The following THRB variants were observed in gnomAD, a reference collection of about 807,000 sequenced individuals.
The protein encoded by THRB is thyroid hormone receptor beta, also known as nuclear receptor subfamily 1 group A member 2.
A neutral mutation model predicts 47.8 loss-of-function variants in THRB; 12 were observed. That is an observed-to-expected ratio of 0.25 (90% CI 0.16 to 0.41). The LOEUF (loss-of-function observed/expected upper bound fraction) is 0.41, where lower values mean the gene tolerates loss of function less well. Ranked by LOEUF, THRB falls within the 10% of genes least tolerant of loss-of-function variation. The pLI, the probability that THRB is intolerant of heterozygous loss-of-function variation, is 1.00. For synonymous variants in THRB, 218 were observed against 212.2 expected (o/e 1.03, Z -0.24); for missense variants, 348 against 589.2 (o/e 0.59, Z 4.24).
chr3:24,402,830 C>A (rs746779350), intron 1 of THRB, among the ~76,000 whole-genome samples: 16 of 151,858 alleles, frequency 1.1e-4, no homozygotes, highest in Admixed American at 2.0e-4. Context: ...GTATTTGATA[C>A]GCACTGCCAA....
intron 3 of THRB, among the ~76,000 whole-genome samples, chr3:24,260,877 T>G (rs531039421): frequency 6.6e-6 from 1 of 152,354 alleles, no homozygotes; most frequent in South Asian, 2.1e-4. Flanking sequence ...CGTATTCTAT[T>G]ACCACAGATC....
At chr3:24,176,239 A>T (rs887682224) in intron 5 of THRB, among the ~76,000 whole-genome samples, 15 of 152,070 alleles carry the variant, frequency 9.9e-5, no homozygotes, top group African/African-American at 3.4e-4. Context: ...TTTTAATTTA[A>T]TCATTAGATA....
intron 1 of THRB, among the ~76,000 whole-genome samples, chr3:24,391,688 G>A (rs1050475065): frequency 6.6e-6 from 1 of 152,000 alleles, no homozygotes; most frequent in African/African-American, 2.4e-5. Context: ...TCCTCTTTAA[G>A]CTTATTGGGT....
chr3:24,224,518 A>G (rs989386552), intron 4 of THRB, among the ~76,000 whole-genome samples: 7 of 152,196 alleles, frequency 4.6e-5, no homozygotes, highest in Non-Finnish European at 8.8e-5. Context: ...ACCACCGTGA[A>G]TCTATTTCTG....
chr3:24,295,630 C>T (rs1253420590), intron 3 of THRB, among the ~76,000 whole-genome samples: 2 of 152,194 alleles, frequency 1.3e-5, no homozygotes, highest in Non-Finnish European at 2.9e-5. Context: ...GGCTACTCTG[C>T]ACTTTTGAAT....
chr3:24,276,750 G>A (rs922697955), intron 3 of THRB, among the ~76,000 whole-genome samples: 7 of 152,250 alleles, frequency 4.6e-5, no homozygotes, highest in East Asian at 1.9e-4. Context: ...TGGAGTAAGT[G>A]TGCAGAAAAC....
chr3:24,434,751 A>G (rs763827417), intron 1 of THRB, among the ~76,000 whole-genome samples: 1 of 152,158 alleles, frequency 6.6e-6, no homozygotes, highest in African/African-American at 2.4e-5. Context: ...CAAGAAGGAC[A>G]TTTTGGGGAA....
At chr3:24,277,010 G>C (rs767353340) in intron 3 of THRB, among the ~76,000 whole-genome samples, 21 of 152,170 alleles carry the variant, frequency 1.4e-4, no homozygotes, top group Non-Finnish European at 2.4e-4. Context: ...TTAGGAGGAG[G>C]GGTATAAGTT....
At chr3:24,382,012 A>G (rs150330879) in intron 1 of THRB, among the ~76,000 whole-genome samples, 111 of 152,312 alleles carry the variant, frequency 7.3e-4, no homozygotes, top group African/African-American at 2.6e-3. Context: ...GGAGAAAAGT[A>G]TCAAGCAAAT....
At chr3:24,457,915 G>A (rs968075360) in intron 1 of THRB, 1 of 152,130 alleles carries the variant, frequency 6.6e-6, no homozygotes, top group Admixed American at 6.5e-5. Flanking sequence ...CATGATGGTA[G>A]TAATTACTCA....
At chr3:24,266,118 T>G (rs1015890390) in intron 3 of THRB, among the ~76,000 whole-genome samples, 1 of 152,136 alleles carries the variant, frequency 6.6e-6, no homozygotes, top group Non-Finnish European at 1.5e-5. Context: ...ATTGATAGGG[T>G]TTTTGAGATG....
Position 24,384,578 on chromosome 3 carries a change from C to T in THRB, c.-260-47207G>A, listed in dbSNP as rs370082324. Among the ~76,000 whole-genome samples the T allele has an allele frequency of 1.0e-3, 154 of 152,058 alleles. 2 individuals are homozygous for T. In the South Asian group the frequency reaches 0.031, roughly 31 times the overall value. ...GACAGACATCCATAAAATCATTCAC[C>T]CTCAGTATAATTTCCACCCTTAGTA... On this transcript the variant is annotated intron_variant, in intron 1 of 10. Transcript: ENST00000646209.
chr3:24,419,539 C>G (rs1404563017), intron 1 of THRB, among the ~76,000 whole-genome samples: 1 of 151,864 alleles, frequency 6.6e-6, no homozygotes, highest in Non-Finnish European at 1.5e-5. Flanking sequence ...CTATTTGAGA[C>G]TCAGAGAAGC....
At chr3:24,338,412 G>T (rs2062407273) in intron 1 of THRB, among the ~76,000 whole-genome samples, 2 of 152,110 alleles carry the variant, frequency 1.3e-5, no homozygotes, top group Non-Finnish European at 2.9e-5. Context: ...TTACCTATAT[G>T]ATATGAATCT....
At chr3:24,458,969 TTTA>T (rs1305540237) in intron 1 of THRB, 5 of 151,394 alleles carry the variant, frequency 3.3e-5, no homozygotes, top group African/African-American at 1.2e-4. Flanking sequence ...TATATATTTA[TTTA>T]TTATACTTTA....
intron 1 of THRB, among the ~76,000 whole-genome samples, chr3:24,394,330 T>G (rs1242138785): frequency 6.6e-6 from 1 of 152,090 alleles, no homozygotes; most frequent in Non-Finnish European, 1.5e-5. Context: ...GAAAGACAAA[T>G]CTACCTGAGT....
At chr3:24,168,297 A>C (rs1009486630) in intron 5 of THRB, among the ~76,000 whole-genome samples, 16 of 152,228 alleles carry the variant, frequency 1.1e-4, no homozygotes, top group African/African-American at 3.9e-4. Context: ...TTGTAAAGTC[A>C]GTAAAGCAAT....
chr3:24,315,103 A>C (rs1266351463), intron 2 of THRB, among the ~76,000 whole-genome samples: 1 of 152,176 alleles, frequency 6.6e-6, no homozygotes, highest in Non-Finnish European at 1.5e-5. Context: ...CTGTAATCCC[A>C]CCCTTAGGAA....
intron 4 of THRB, among the ~76,000 whole-genome samples, chr3:24,199,624 T>A (rs947249729): frequency 6.6e-6 from 1 of 152,150 alleles, no homozygotes; most frequent in Non-Finnish European, 1.5e-5. Flanking sequence ...AAAACAATCA[T>A]CATGACTGCA....
Sources: allele counts gnomAD v4.1 joint callset (sites outside exome capture counted in the v4.1 genomes callset), GRCh38; gene constraint gnomAD v4.1.1; transcripts MANE v1.5; gene names NCBI Gene and HGNC (gene_info 2026-07-23, HGNC 2026-07-21).